Variants in XPO7 observed in about 807,000 individuals in gnomAD.
XPO7 encodes the protein exportin 7.
Under a neutral mutation model 144.3 loss-of-function variants are expected in XPO7, and 21 were observed. That is an observed-to-expected ratio of 0.15 (90% CI 0.10 to 0.21). XPO7 has a LOEUF of 0.21. Among genes scored for constraint, XPO7 ranks in the 10% least tolerant of loss-of-function variants. The pLI, the probability that XPO7 is intolerant of heterozygous loss-of-function variation, is 1.00. For missense variants in XPO7, 808 were observed against 1,325.8 expected (o/e 0.61, Z 6.06); for synonymous variants, 580 against 499.6 (o/e 1.16, Z -2.15).
In XPO7 at chr8:21,942,625, C is replaced by A. The variant is rs552809095; in HGVS notation, c.18+22837C>A. 1.8e-4 allele frequency among the ~76,000 whole-genome samples: 27 copies of A among 152,230 alleles called. No homozygotes were observed. The South Asian group carries it at 5.4e-3, about 30-fold the overall frequency. On this transcript the variant is annotated intron_variant, in intron 1 of 27. Coordinates refer to ENST00000252512, the MANE Select transcript of XPO7 (RefSeq NM_015024.5). ...TGAAAGGGGAGGAGTATTTCAATAG[C>A]CTTTTAGATAATTGTGGGTATTCTT...
intron 1 of XPO7, among the ~76,000 whole-genome samples, chr8:21,927,007 T>C (rs564363371): frequency 6.6e-6 from 1 of 152,312 alleles, no homozygotes; most frequent in East Asian, 1.9e-4. Context: ...CTGATAATGT[T>C]CCAGAACTGA....
intron 1 of XPO7, among the ~76,000 whole-genome samples, chr8:21,934,860 G>T (rs549202184): frequency 1.2e-4 from 18 of 152,210 alleles, no homozygotes; most frequent in Non-Finnish European, 1.8e-4. Context: ...GAAGCCTTGT[G>T]TAAACATCTT....
chr8:21,937,515 A>G (rs1386297969), intron 1 of XPO7, among the ~76,000 whole-genome samples: 1 of 152,174 alleles, frequency 6.6e-6, no homozygotes, highest in African/African-American at 2.4e-5. Context: ...GAAGTAGCTC[A>G]TGGCTGTTTC....
At chr8:21,996,747 C>T (rs1468147818) in intron 21 of XPO7, among the ~76,000 whole-genome samples, 1 of 152,130 alleles carries the variant, frequency 6.6e-6, no homozygotes, top group Non-Finnish European at 1.5e-5. Context: ...GCATTGGTCT[C>T]TCATGGCGGT....
rs1812269668 is a variant in XPO7, at chr8:21,977,635, CACT to C, written c.764-134_764-132del. 3 of 768,464 alleles carry C rather than the reference CACT, an allele frequency of 3.9e-6. No homozygotes were observed. In the East Asian group the frequency reaches 8.7e-5, roughly 22 times the overall value. 47.6% of individuals were successfully genotyped at this position (768,464 alleles called of 1,614,324 possible). ...AACCAAAAAGCCCCTATTTGCTTAT[CACT>C]TCCAAAGGAAATAAATACTCTGTAA... On this transcript the variant is annotated intron_variant, in intron 7 of 27. Coordinates refer to ENST00000252512, the MANE Select transcript of XPO7 (RefSeq NM_015024.5).
intron 9 of XPO7, among the ~76,000 whole-genome samples, chr8:21,980,941 A>T (rs1812389083): frequency 6.6e-6 from 1 of 152,186 alleles, no homozygotes; most frequent in South Asian, 2.1e-4. Context: ...TTGAAGTCCC[A>T]GTGATTCAGT....
chr8:21,989,200 TC>T, intron 16 of XPO7, 117 bp downstream of exon 16: 1 of 955,784 alleles, frequency 1.0e-6, no homozygotes, highest in East Asian at 2.7e-5. Flanking sequence ...TCACATATCT[TC>T]CATTTTCCTA....
At chr8:21,982,018 G>A (rs1812424273) in intron 10 of XPO7, 141 bp downstream of exon 10, 1 of 1,112,354 alleles carries the variant, frequency 9.0e-7, no homozygotes, top group Admixed American at 2.5e-5. Flanking sequence ...AGTTACTATT[G>A]TGGCCTGTGA....
rs746243202 is a variant in XPO7, at chr8:22,003,932, G to A, written c.3072G>A (p.Val1024=). Residue 1024 remains valine, a synonymous_variant, in exon 27 of 28, where the codon GTG becomes GTA. Transcript: ENST00000252512. ...KYFSDLRNSI[V]NSQPPEKQQA... is the part of the protein sequence containing the mutation. ...TTTCTGACCTAAGAAACAGTATTGT[G>A]AACAGCCAGCCACCGGAGAAGCAGC... 1.2e-6 allele frequency: 2 copies of A among 1,613,838 alleles called. No homozygotes were observed. Among genetic ancestry groups the A allele is most frequent in the Non-Finnish European group, 8.5e-7 (1 of 1,179,850 alleles).
intron 5 of XPO7, among the ~76,000 whole-genome samples, chr8:21,973,033 A>AG (rs149881578): frequency 0.019 from 2,957 of 152,324 alleles, 92 homozygotes; most frequent in African/African-American, 0.066. Context: ...CAGTCATATG[A>AG]GGTAGGTACT....
intron 1 of XPO7, among the ~76,000 whole-genome samples, chr8:21,961,926 G>A (rs1210692023): frequency 2.6e-5 from 4 of 152,232 alleles, no homozygotes; most frequent in African/African-American, 9.6e-5. Context: ...GCCTCCCAAA[G>A]TGCTGGGATT....
intron 1 of XPO7, among the ~76,000 whole-genome samples, chr8:21,951,888 T>G (rs1397475004): frequency 6.6e-6 from 1 of 152,132 alleles, no homozygotes; most frequent in East Asian, 1.9e-4. Context: ...GTCTCTACAG[T>G]GTGAATCCCT....
chr8:21,998,135 C>T (rs939951548), intron 21 of XPO7, among the ~76,000 whole-genome samples: 12 of 152,120 alleles, frequency 7.9e-5, no homozygotes, highest in Admixed American at 6.6e-4. Flanking sequence ...CAAGAGGCGA[C>T]GGGTAGAAAG....
At chr8:21,985,799 A>T in intron 13 of XPO7, 108 bp downstream of exon 13, 1 of 901,128 alleles carries the variant, frequency 1.1e-6, no homozygotes, top group Non-Finnish European at 1.8e-6. Context: ...CTAACTGCCC[A>T]TGAGACACAG....
intron 8 of XPO7, among the ~76,000 whole-genome samples, chr8:21,979,413 T>G (rs2117351772): frequency 6.6e-6 from 1 of 151,232 alleles, no homozygotes; most frequent in South Asian, 2.1e-4. Context: ...TTTTTTCGTT[T>G]TTTTTTGTTT....
chr8:21,994,766 T>C (rs757897455), intron 20 of XPO7, among the ~76,000 whole-genome samples: 1 of 151,704 alleles, frequency 6.6e-6, no homozygotes, highest in Non-Finnish European at 1.5e-5. Context: ...CTGAAAAAAA[T>C]AAAAAGGCCA....
intron 1 of XPO7, among the ~76,000 whole-genome samples, chr8:21,944,265 A>T (rs1484801324): frequency 1.3e-5 from 2 of 152,178 alleles, no homozygotes; most frequent in Non-Finnish European, 2.9e-5. Context: ...TATATATTCC[A>T]CATGCCATCA....
At position 21,919,729 on chromosome 8, in the gene XPO7, T is replaced by TG. The variant is rs904285269; in HGVS notation, c.-35dup. 4.5e-5 allele frequency: 11 copies of TG among 241,828 alleles called. No homozygotes were observed. The highest frequency in any genetic ancestry group is 1.8e-4 in the East Asian group (1 of 5,712). 15.0% of individuals were successfully genotyped at this position (241,828 alleles called of 1,614,324 possible). On this transcript the variant is annotated 5_prime_UTR_variant, in exon 1 of 28. Coordinates refer to ENST00000252512, the MANE Select transcript of XPO7 (RefSeq NM_015024.5). Reference sequence around the variant, plus strand: ...CAGCGGCTCCGGCCGAGGTGCGCGCTGGGGGGGAGGGGGGGCCGGAGAGGA... The same window carrying TG: ...CAGCGGCTCCGGCCGAGGTGCGCGCTGGGGGGGGAGGGGGGGCCGGAGAGGA...
intron 8 of XPO7, among the ~76,000 whole-genome samples, chr8:21,979,201 A>G (rs570628478): frequency 2.0e-4 from 31 of 151,838 alleles, no homozygotes; most frequent in Non-Finnish European, 4.1e-4. Context: ...ATGAGCCACC[A>G]CGCCCGGCTA....
Sources: allele counts gnomAD v4.1 joint callset (sites outside exome capture counted in the v4.1 genomes callset), GRCh38; gene constraint gnomAD v4.1.1; transcripts MANE v1.5; gene names NCBI Gene and HGNC (gene_info 2026-07-23, HGNC 2026-07-21).